Variants in EFR3B observed in about 807,000 individuals in gnomAD.
EFR3B encodes EFR3 homolog B.
In EFR3B, 64 loss-of-function variants were observed where a neutral mutation model predicts 104.7. That is an observed-to-expected ratio of 0.61 (90% CI 0.50 to 0.75). EFR3B has a LOEUF of 0.75. Ranked by LOEUF, EFR3B falls within the 30% of genes least tolerant of loss-of-function variation. The pLI, the probability that EFR3B is intolerant of heterozygous loss-of-function variation, is 0.00. For missense variants in EFR3B, 750 were observed against 1,078.5 expected (o/e 0.70, Z 4.27); for synonymous variants, 385 against 417.9 (o/e 0.92, Z 0.96).
intron 1 of EFR3B, among the ~76,000 whole-genome samples, chr2:25,065,923 G>A (rs980589319): frequency 5.9e-5 from 9 of 152,072 alleles, no homozygotes; most frequent in African/African-American, 1.2e-4. Context: ...AACCCCTCCC[G>A]CATGAAGGGA....
At chr2:25,044,703 A>C (rs1214715889) in intron 1 of EFR3B, among the ~76,000 whole-genome samples, 1 of 152,046 alleles carries the variant, frequency 6.6e-6, no homozygotes, top group African/African-American at 2.4e-5. Flanking sequence ...GTCACCTAAG[A>C]GCTTTAGGTA....
At chr2:25,097,219 A>G (rs747173957) in intron 3 of EFR3B, among the ~76,000 whole-genome samples, 1 of 152,294 alleles carries the variant, frequency 6.6e-6, no homozygotes, top group African/African-American at 2.4e-5. Context: ...AAAAATAGCC[A>G]TTGTAGCCTC....
rs776684927 is a variant in EFR3B, at chr2:25,143,705, A to G, written c.1923-30A>G. ...AAGTCATTCTAGATACCGCGGTTCT[A>G]ACGAACTTTCTCCCTCCTTCATCTT... On this transcript the variant is annotated intron_variant, in intron 17 of 22. Coordinates refer to ENST00000403714, the MANE Select transcript of EFR3B (RefSeq NM_014971.2). 8.4e-6 allele frequency: 13 copies of G among 1,550,708 alleles called. No homozygotes were observed. In the African/African-American group the frequency reaches 1.6e-4, roughly 20 times the overall value.
In EFR3B at chr2:25,112,643, G is replaced by A. The variant is rs13400360; in HGVS notation, c.363+8856G>A. Among the ~76,000 whole-genome samples, 471 of 152,276 alleles carry A rather than the reference G, an allele frequency of 3.1e-3. 1 individual carries two copies. Among genetic ancestry groups the A allele is most frequent in the African/African-American group, 0.011 (455 of 41,552 alleles). On this transcript the variant is annotated intron_variant, in intron 4 of 22. Transcript: ENST00000403714. The stretch of plus-strand genomic sequence containing the variant: ...GGCAATGGTAAACTCAAAACCATAT[G>A]GTTGGCAAGATCTGCTTTCCAGCTA...
In EFR3B at chr2:25,093,098, G is replaced by A. The variant is rs894379188; in HGVS notation, c.180G>A (p.Arg60=). 17 of 1,551,848 alleles carry A rather than the reference G, an allele frequency of 1.1e-5. No individual in the cohort carries two copies. Among genetic ancestry groups the A allele is most frequent in the Non-Finnish European group, 1.4e-5 (16 of 1,147,124 alleles). ...GTATTGGCGCCTACCTCTCTGAGAG[G>A]CTCATCCGTGACGTGGGTCGCCATC... is the stretch of plus-strand genomic sequence containing the variant. ...LDRIGAYLSE[R]LIRDVGRHRY... Residue 60 remains arginine (R), a synonymous_variant, in exon 3 of 23, where the codon AGG becomes AGA. Transcript: ENST00000403714.
At chr2:25,141,322 C>T (rs1236840812) in intron 16 of EFR3B, 44 bp from the exon 17 acceptor site, 6 of 1,544,632 alleles carry the variant, frequency 3.9e-6, no homozygotes, top group Non-Finnish European at 5.2e-6. Context: ...TGAGCTCCCT[C>T]TCCCTGCTGA....
In EFR3B at chr2:25,131,586, G is replaced by C. The variant is rs1670336470; in HGVS notation, c.985+83G>C. On this transcript the variant is annotated intron_variant, in intron 9 of 22. Coordinates refer to ENST00000403714, the MANE Select transcript of EFR3B (RefSeq NM_014971.2). This position sits in a 1 kb window ranked among gnomAD's most constrained non-coding sequence, Gnocchi z 7.6. ...ACAGAGAGAGGCAAGGGACAACAGGGAGGGGTCGGAGTCCGTTTTCCTCGG... is the reference window on the plus strand; with the variant it reads ...ACAGAGAGAGGCAAGGGACAACAGGCAGGGGTCGGAGTCCGTTTTCCTCGG... The C allele has an allele frequency of 1.3e-6, 2 of 1,521,394 alleles. No homozygotes were observed. Among genetic ancestry groups the C allele is most frequent in the East Asian group, 4.9e-5 (2 of 40,424 alleles). 94.2% of individuals were successfully genotyped at this position (1,521,394 alleles called of 1,614,324 possible).
chr2:25,052,641 A>G (rs909132664), intron 1 of EFR3B, among the ~76,000 whole-genome samples: 4 of 149,326 alleles, frequency 2.7e-5, no homozygotes, highest in Non-Finnish European at 4.5e-5. Context: ...AGCTGGGATT[A>G]ACAGGTGTGT....
At chr2:25,075,560 C>T (rs935352910) in intron 1 of EFR3B, among the ~76,000 whole-genome samples, 1 of 152,186 alleles carries the variant, frequency 6.6e-6, no homozygotes, top group African/African-American at 2.4e-5. Context: ...CAACCTTGCT[C>T]TGTGTGTGTT....
rs1670335588 is a variant in EFR3B, at chr2:25,131,555, C to T, written c.985+52C>T. ...GCCGGGGACCCCGCGGAGGCTGCCG[C>T]CTCTTACAGAGAGAGGCAAGGGACA... On this transcript the variant is annotated intron_variant, in intron 9 of 22. Transcript: ENST00000403714. The surrounding 1 kb of genome is among the most constrained non-coding windows in gnomAD (Gnocchi z 7.6). 1 of 1,543,148 alleles carries T rather than the reference C, an allele frequency of 6.5e-7. No homozygotes were observed. The highest frequency in any genetic ancestry group is 8.7e-7 in the Non-Finnish European group (1 of 1,143,224).
chr2:25,131,266 G>C lies in EFR3B; in HGVS notation c.850-102G>C, dbSNP rs905116585. ...ACTGCAGTGCCCGGGGCCTTGGAAC[G>C]TCCCTTTAGTTTACCCCCGCCTTTG... On this transcript the variant is annotated intron_variant, in intron 8 of 22. Transcript: ENST00000403714. This position sits in a 1 kb window ranked among gnomAD's most constrained non-coding sequence, Gnocchi z 7.6. The C allele has an allele frequency of 3.0e-5, 43 of 1,455,106 alleles. No individual in the cohort carries two copies. The highest frequency in any genetic ancestry group is 3.9e-5 in the Non-Finnish European group (42 of 1,090,448). 90.1% of individuals were successfully genotyped at this position (1,455,106 alleles called of 1,614,324 possible).
intron 16 of EFR3B, 105 bp from the exon 17 acceptor site, chr2:25,141,261 T>TGTGG: frequency 8.4e-7 from 1 of 1,187,626 alleles, no homozygotes. Context: ...CTGAGGAGGC[T>TGTGG]GTGGGAGGGA....
chr2:25,092,134 T>C (rs1669142487), intron 2 of EFR3B, among the ~76,000 whole-genome samples: 1 of 151,862 alleles, frequency 6.6e-6, no homozygotes, highest in Non-Finnish European at 1.5e-5. Context: ...AGTGGCGCGA[T>C]CTCGGCTCAC....
chr2:25,052,710 G>A (rs547345647), intron 1 of EFR3B, among the ~76,000 whole-genome samples: 1 of 151,728 alleles, frequency 6.6e-6, no homozygotes, highest in African/African-American at 2.4e-5. Context: ...TAACCATGTT[G>A]GTCAGGCTGA....
In EFR3B at chr2:25,079,605, A is replaced by G. The variant is rs191925637; in HGVS notation, c.8-11720A>G. On this transcript the variant is annotated intron_variant, in intron 1 of 22. Coordinates refer to ENST00000403714, the MANE Select transcript of EFR3B (RefSeq NM_014971.2). ...AATTTATTTTATTTGTAGGACTCTT[A>G]TCAATGAAGAACTTTGTATCCAACA... is the stretch of plus-strand genomic sequence containing the variant. Among the ~76,000 whole-genome samples, 10 of 152,306 alleles carry G rather than the reference A, an allele frequency of 6.6e-5. No homozygotes were observed. In the East Asian group the frequency reaches 1.9e-3, roughly 29 times the overall value.
At chr2:25,117,383 C>G (rs1403336329) in intron 4 of EFR3B, among the ~76,000 whole-genome samples, 1 of 151,922 alleles carries the variant, frequency 6.6e-6, no homozygotes, top group African/African-American at 2.4e-5. Flanking sequence ...CCTCCCACCT[C>G]CAGCCCCACC....
Position 25,114,545 on chromosome 2 carries a change from A to G in EFR3B, c.364-7128A>G. Among the ~76,000 whole-genome samples the G allele has an allele frequency of 6.6e-6, 1 of 152,296 alleles. No homozygotes were observed. The highest frequency in any genetic ancestry group is 1.9e-4 in the East Asian group (1 of 5,182). ...GCAAGAGTCCTGGCAGCCCGAGGGA[A>G]TGGAATGGTCAACAGCCCGAGCCTC... is the stretch of plus-strand genomic sequence containing the variant. On this transcript the variant is annotated intron_variant, in intron 4 of 22. Transcript: ENST00000403714. This position sits in a 1 kb window ranked among gnomAD's most constrained non-coding sequence, Gnocchi z 4.0.
chr2:25,157,955 G>C lies in EFR3B; in HGVS notation c.*3615G>C, dbSNP rs994037109. The C allele has an allele frequency of 6.6e-6, 1 of 152,366 alleles. No individual in the cohort carries two copies. The highest frequency in any genetic ancestry group is 1.5e-5 in the Non-Finnish European group (1 of 68,168). The allele number at this position is 152,366 out of a possible 1,614,324, so 9.4% of individuals were successfully genotyped here. ...TACACAGATATCAATGGATGAGCAG[G>C]AAAAGAGGAGGCCTGGACTCACTGA... On this transcript the variant is annotated 3_prime_UTR_variant, in exon 23 of 23. Coordinates refer to ENST00000403714, the MANE Select transcript of EFR3B (RefSeq NM_014971.2).
At chr2:25,132,444 C>G (rs1224138978) in intron 10 of EFR3B, among the ~76,000 whole-genome samples, 1 of 152,176 alleles carries the variant, frequency 6.6e-6, no homozygotes, top group African/African-American at 2.4e-5. Flanking sequence ...CTTTCACAGC[C>G]TGCCTGCCCT....
Sources: gnomAD v4.1 joint callset for allele counts (sites outside exome capture counted in the v4.1 genomes callset) on GRCh38, gnomAD v4.1.1 for gene constraint, Gnocchi (gnomAD v3.1) non-coding constraint, MANE v1.5 for transcripts, NCBI Gene and HGNC (gene_info 2026-07-23, HGNC 2026-07-21) for gene names.